SLC25A48: variants seen among roughly 807,000 people sequenced by gnomAD.
The protein encoded by SLC25A48 is CTC-321K16.1.
SLC25A48 carries 29 observed loss-of-function variants against 32.2 expected under a neutral mutation model. The observed-to-expected ratio is 0.90, with a 90% CI of 0.67 to 1.23. The LOEUF (loss-of-function observed/expected upper bound fraction) is 1.23. Ranked by LOEUF, SLC25A48 falls within the 50% of genes most tolerant of loss-of-function variation. SLC25A48 has a pLI of 0.00. For missense variants in SLC25A48, 399 were observed against 422.7 expected, an observed-to-expected ratio of 0.94 and a Z score of 0.49; for synonymous variants, 164 against 172.3, an observed-to-expected ratio of 0.95 and a Z score of 0.38.
At chr5:135,717,387 G>A (rs756854724) in intron 3 of SLC25A48, among the ~76,000 whole-genome samples, 3 of 152,160 alleles carry the variant, frequency 2.0e-5, no homozygotes, top group Non-Finnish European at 2.9e-5. Context: ...ACCAGGGCCC[G>A]TCCACCCCAG....
intron 4 of SLC25A48, among the ~76,000 whole-genome samples, chr5:135,816,651 A>C (rs1757726766): frequency 1.3e-5 from 2 of 152,248 alleles, no homozygotes; most frequent in African/African-American, 2.4e-5. Context: ...AGACTGTTAA[A>C]AGTTGGTTAT....
At chr5:135,735,796 A>G (rs1755347117) in intron 3 of SLC25A48, among the ~76,000 whole-genome samples, 1 of 152,174 alleles carries the variant, frequency 6.6e-6, no homozygotes, top group South Asian at 2.1e-4. Flanking sequence ...GGACAGAGTT[A>G]GATATTGGAA....
intron 3 of SLC25A48, among the ~76,000 whole-genome samples, chr5:135,800,674 C>G (rs1227901350): frequency 6.6e-6 from 1 of 151,738 alleles, no homozygotes; most frequent in Non-Finnish European, 1.5e-5. Context: ...TCGTAAACAC[C>G]TTGAGTGTAC....
At chr5:135,592,602 T>C (rs1751553431) in intron 1 of SLC25A48, among the ~76,000 whole-genome samples, 1 of 152,086 alleles carries the variant, frequency 6.6e-6, no homozygotes, top group Non-Finnish European at 1.5e-5. Flanking sequence ...AAGGTGTGAT[T>C]TACTGGAAGA....
chr5:135,793,402 C>T (rs193020820), intron 3 of SLC25A48, among the ~76,000 whole-genome samples: 2 of 151,836 alleles, frequency 1.3e-5, no homozygotes, highest in African/African-American at 2.4e-5. Context: ...GGAGATATTA[C>T]TCTCTTAATG....
intron 5 of SLC25A48, among the ~76,000 whole-genome samples, chr5:135,873,629 T>G (rs1047662271): frequency 1.3e-5 from 2 of 152,194 alleles, no homozygotes; most frequent in Non-Finnish European, 2.9e-5. Context: ...CCTGGGAAGG[T>G]GCTCCCAAGT....
At chr5:135,658,671 G>A (rs1373218887) in intron 3 of SLC25A48, among the ~76,000 whole-genome samples, 1 of 152,220 alleles carries the variant, frequency 6.6e-6, no homozygotes, top group Non-Finnish European at 1.5e-5. Context: ...CCCTGCAGCA[G>A]ACTTCTGCCT....
At chr5:135,714,084 C>T (rs1402334402) in intron 3 of SLC25A48, among the ~76,000 whole-genome samples, 9 of 152,314 alleles carry the variant, frequency 5.9e-5, no homozygotes, top group Non-Finnish European at 7.4e-5. Context: ...TATGCCTGCC[C>T]GCCCCACCCC....
intron 3 of SLC25A48, among the ~76,000 whole-genome samples, chr5:135,688,183 C>G (rs1198102411): frequency 6.6e-6 from 1 of 152,210 alleles, no homozygotes. Flanking sequence ...TAAGATTCAT[C>G]CAAGTCATAG....
At chr5:135,762,183 G>T (rs992964201) in intron 3 of SLC25A48, among the ~76,000 whole-genome samples, 1 of 152,166 alleles carries the variant, frequency 6.6e-6, no homozygotes, top group Non-Finnish European at 1.5e-5. Context: ...TTAAATGGCC[G>T]CACGTGGCCA....
chr5:135,682,824 C>A (rs536928572), intron 3 of SLC25A48, among the ~76,000 whole-genome samples: 1 of 152,224 alleles, frequency 6.6e-6, no homozygotes, highest in Non-Finnish European at 1.5e-5. Context: ...CAAAATGATA[C>A]CTTATACTGG....
chr5:135,786,440 T>C (rs931958455), intron 3 of SLC25A48, among the ~76,000 whole-genome samples: 2 of 152,038 alleles, frequency 1.3e-5, no homozygotes, highest in Admixed American at 6.6e-5. Context: ...TTGTTTGTAA[T>C]GTCATAAGGG....
At chr5:135,586,741 T>C (rs36121151) in intron 1 of SLC25A48, among the ~76,000 whole-genome samples, 74,807 of 151,928 alleles carry the variant, frequency 0.49, 18,803 homozygotes, top group African/African-American at 0.61. Context: ...GAGCCCTGTG[T>C]GTGTAGGGCA....
At chr5:135,685,954 C>A (rs994026234) in intron 3 of SLC25A48, among the ~76,000 whole-genome samples, 1 of 152,176 alleles carries the variant, frequency 6.6e-6, no homozygotes, top group Non-Finnish European at 1.5e-5. Context: ...GGCACCACAG[C>A]CCCTCCCATC....
At chr5:135,673,513 T>G (rs1753701751) in intron 3 of SLC25A48, among the ~76,000 whole-genome samples, 1 of 152,208 alleles carries the variant, frequency 6.6e-6, no homozygotes. Flanking sequence ...GACATTTGGA[T>G]ATCTTCTTTG....
chr5:135,869,141 A>G lies in SLC25A48; in HGVS notation c.422-2320A>G, dbSNP rs191868369. Among the ~76,000 whole-genome samples, 33 of 152,302 alleles carry G rather than the reference A, an allele frequency of 2.2e-4. No individual in the cohort carries two copies. In the East Asian group the frequency reaches 3.7e-3, roughly 17 times the overall value. Reference sequence around the variant, plus strand: ...TTCTTTATACTATTTTGCTTTTTATACTTCTTTTGCAAATTTAGAATTATT... The same window carrying G: ...TTCTTTATACTATTTTGCTTTTTATGCTTCTTTTGCAAATTTAGAATTATT... On this transcript the variant is annotated intron_variant, in intron 4 of 7. Transcript: ENST00000681962.
intron 3 of SLC25A48, among the ~76,000 whole-genome samples, chr5:135,764,505 G>C (rs888290005): frequency 1.3e-5 from 2 of 151,848 alleles, no homozygotes; most frequent in Non-Finnish European, 2.9e-5. Flanking sequence ...GCAGGTGAGA[G>C]GGTGATATTA....
chr5:135,659,799 A>G (rs1214958617), intron 3 of SLC25A48, among the ~76,000 whole-genome samples: 2 of 152,186 alleles, frequency 1.3e-5, no homozygotes, highest in African/African-American at 4.8e-5. Flanking sequence ...GCAGCAGGAG[A>G]GAGAGAAAGT....
chr5:135,690,944 A>T (rs998008933), intron 3 of SLC25A48, among the ~76,000 whole-genome samples: 3 of 149,364 alleles, frequency 2.0e-5, no homozygotes, highest in Admixed American at 1.3e-4. Flanking sequence ...CAGGGAAGGC[A>T]TTTTTTTTTT....
Sources: gnomAD v4.1 joint callset for allele counts (sites outside exome capture counted in the v4.1 genomes callset) on GRCh38, gnomAD v4.1.1 for gene constraint, MANE v1.5 for transcripts, NCBI Gene and HGNC (gene_info 2026-07-23, HGNC 2026-07-21) for gene names.